The following COL6A6 variants were observed in gnomAD, a reference collection of about 807,000 sequenced individuals.
The protein encoded by COL6A6 is collagen alpha-6(VI) chain.
Under a neutral mutation model 208.6 loss-of-function variants are expected in COL6A6, and 183 were observed. That is an observed-to-expected ratio of 0.88 (90% CI 0.78 to 0.99). The LOEUF (loss-of-function observed/expected upper bound fraction) is 0.99, where lower values mean the gene tolerates loss of function less well. COL6A6 is among the 50% of genes least tolerant of loss of function. The pLI is 0.00. For synonymous variants in COL6A6, 973 were observed against 1,011.8 expected, an observed-to-expected ratio of 0.96 and a Z score of 0.73; for missense variants, 2,816 against 2,815.2, an observed-to-expected ratio of 1.00 and a Z score of -0.01.
At chr3:130,637,675 G>A (rs1056219670) in intron 28 of COL6A6, among the ~76,000 whole-genome samples, 1 of 152,064 alleles carries the variant, frequency 6.6e-6, no homozygotes, top group Admixed American at 6.5e-5. Flanking sequence ...TGCTTCGTCA[G>A]TTCTCTTTGA....
intron 10 of COL6A6, among the ~76,000 whole-genome samples, chr3:130,585,048 AAATT>A (rs895425215): frequency 1.6e-4 from 24 of 152,190 alleles, no homozygotes; most frequent in Non-Finnish European, 2.9e-5. Context: ...CATATCATAT[AAATT>A]TATTTAAGAA....
At chr3:130,564,123 A>G (rs1029959146) in intron 3 of COL6A6, among the ~76,000 whole-genome samples, 1 of 152,190 alleles carries the variant, frequency 6.6e-6, no homozygotes, top group African/African-American at 2.4e-5. Flanking sequence ...AAAAGAACTT[A>G]TATATATCCT....
chr3:130,535,340 T>C (rs2062198682), intron 1 of COL6A6, among the ~76,000 whole-genome samples: 1 of 152,240 alleles, frequency 6.6e-6, no homozygotes. Context: ...TGGTTGTTTT[T>C]CAAATTCATA....
At chr3:130,531,131 T>A (rs2062084722) in intron 1 of COL6A6, among the ~76,000 whole-genome samples, 2 of 151,954 alleles carry the variant, frequency 1.3e-5, no homozygotes, top group Non-Finnish European at 2.9e-5. Context: ...TGATTTTGTT[T>A]CGCTGGAGAA....
chr3:130,564,323 C>A (rs1312216866), intron 3 of COL6A6, among the ~76,000 whole-genome samples: 1 of 152,176 alleles, frequency 6.6e-6, no homozygotes, highest in Non-Finnish European at 1.5e-5. Flanking sequence ...TCCTCTTGTA[C>A]TACTCTAGTA....
intron 23 of COL6A6, among the ~76,000 whole-genome samples, chr3:130,619,743 T>A (rs1429490309): frequency 6.6e-6 from 1 of 151,974 alleles, no homozygotes; most frequent in Admixed American, 6.6e-5. Flanking sequence ...ACTGTGGGCC[T>A]TGTAGCTGAG....
At chr3:130,540,928 C>T (rs937160703) in intron 1 of COL6A6, among the ~76,000 whole-genome samples, 1 of 152,142 alleles carries the variant, frequency 6.6e-6, no homozygotes, top group South Asian at 2.1e-4. Flanking sequence ...TGGGTTGATT[C>T]CATGTCTTTG....
chr3:130,542,634 A>G (rs1402692072), intron 1 of COL6A6, among the ~76,000 whole-genome samples: 1 of 152,214 alleles, frequency 6.6e-6, no homozygotes, highest in African/African-American at 2.4e-5. Context: ...GAAGTCTTCA[A>G]CTATAATAGT....
At chr3:130,613,425 A>G (rs2064419036) in intron 23 of COL6A6, among the ~76,000 whole-genome samples, 1 of 152,192 alleles carries the variant, frequency 6.6e-6, no homozygotes, top group Non-Finnish European at 1.5e-5. Context: ...GCCTTGTAAT[A>G]TAGTTTGAAG....
chr3:130,639,660 C>T (rs115022391), intron 28 of COL6A6, among the ~76,000 whole-genome samples: 3,307 of 141,784 alleles, frequency 0.023, 47 homozygotes, highest in Non-Finnish European at 0.032. Context: ...CTACTGCATT[C>T]GAGCCTGGGT....
intron 20 of COL6A6, among the ~76,000 whole-genome samples, chr3:130,601,002 T>C (rs2063999632): frequency 6.6e-6 from 1 of 152,184 alleles, no homozygotes; most frequent in African/African-American, 2.4e-5. Flanking sequence ...TTTATTTTAT[T>C]TGTTATTTTT....
At chr3:130,554,969 G>A (rs1056671712) in intron 1 of COL6A6, among the ~76,000 whole-genome samples, 1 of 152,112 alleles carries the variant, frequency 6.6e-6, no homozygotes, top group Non-Finnish European at 1.5e-5. Context: ...GCCAGGCTGG[G>A]GCCCCAGAAG....
At position 130,574,380 on chromosome 3, in the gene COL6A6, C is replaced by G; in HGVS notation, c.3402C>G (p.Ser1134=). ...GACACAGAGGTATCGACATCTACTCCGTGGGCATTGGGGATGTGGATGACC... is the reference window on the plus strand; with the variant it reads ...GACACAGAGGTATCGACATCTACTCGGTGGGCATTGGGGATGTGGATGACC... ...ALRHRGIDIY[S]VGIGDVDDQQ... is the part of the protein sequence containing the mutation. Residue 1134 remains serine (S), a synonymous_variant, in exon 8 of 37, where the codon TCC becomes TCG. Coordinates refer to ENST00000358511, the MANE Select transcript of COL6A6 (RefSeq NM_001102608.3). 2 of 1,613,978 alleles carry G rather than the reference C, an allele frequency of 1.2e-6. No individual in the cohort carries two copies. The highest frequency in any genetic ancestry group is 8.5e-7 in the Non-Finnish European group (1 of 1,179,898).
chr3:130,602,630 C>CAG (rs1461947153), intron 20 of COL6A6, among the ~76,000 whole-genome samples: 1 of 152,114 alleles, frequency 6.6e-6, no homozygotes. Flanking sequence ...GAAGGGAAAA[C>CAG]AGTAGAGATG....
chr3:130,649,541 C>G lies in COL6A6; in HGVS notation c.5712C>G (p.Pro1904=). The change falls in exon 33 of 37, where the codon CCC becomes CCG. Residue 1904 remains proline (P), a synonymous_variant. Coordinates refer to ENST00000358511, the MANE Select transcript of COL6A6 (RefSeq NM_001102608.3). Reference sequence around the variant, plus strand: ...TGGTGATCACTTTCAGCAACGTGCCCTCGGTCAGGCGCGCATTTGCGGTAT... The same window carrying G: ...TGGTGATCACTTTCAGCAACGTGCCGTCGGTCAGGCGCGCATTTGCGGTAT... ...IPVVITFSNV[P]SVRRAFAIDD... is the part of the protein sequence containing the mutation. 1.3e-6 allele frequency: 2 copies of G among 1,594,272 alleles called. No homozygotes were observed. Among genetic ancestry groups the G allele is most frequent in the Non-Finnish European group, 1.7e-6 (2 of 1,170,332 alleles).
chr3:130,609,482 C>T (rs903687240), intron 22 of COL6A6, among the ~76,000 whole-genome samples: 1 of 152,308 alleles, frequency 6.6e-6, no homozygotes. Context: ...TTGCAAGGAA[C>T]AAGCCATACT....
At chr3:130,577,324 A>AC (rs1220210962) in intron 8 of COL6A6, among the ~76,000 whole-genome samples, 1 of 151,740 alleles carries the variant, frequency 6.6e-6, no homozygotes, top group African/African-American at 2.4e-5. Flanking sequence ...TCCTCTCACC[A>AC]CCCCCATCCC....
At chr3:130,627,638 G>A (rs1444925115) in intron 26 of COL6A6, among the ~76,000 whole-genome samples, 1 of 152,144 alleles carries the variant, frequency 6.6e-6, no homozygotes, top group Admixed American at 6.5e-5. Context: ...GTTCCAGCCT[G>A]AACAGTGCAT....
intron 20 of COL6A6, among the ~76,000 whole-genome samples, chr3:130,604,901 G>C (rs1022379929): frequency 6.6e-6 from 1 of 152,166 alleles, no homozygotes; most frequent in Non-Finnish European, 1.5e-5. Flanking sequence ...TTCAGTTCCT[G>C]TTACCACAAC....
Sources: gnomAD v4.1 joint callset for allele counts (sites outside exome capture counted in the v4.1 genomes callset) on GRCh38, gnomAD v4.1.1 for gene constraint, MANE v1.5 for transcripts, NCBI Gene and HGNC (gene_info 2026-07-23, HGNC 2026-07-21) for gene names.